The following NPR1 variants were observed in gnomAD, a reference collection of about 807,000 sequenced individuals.
NPR1 encodes the protein natriuretic peptide receptor 1.
Under a neutral mutation model 116.9 loss-of-function variants are expected in NPR1, and 57 were observed. The observed-to-expected ratio is 0.49, with a 90% CI of 0.39 to 0.61. The LOEUF (loss-of-function observed/expected upper bound fraction) is 0.61. NPR1 is among the 20% of genes least tolerant of loss of function. The probability of loss-of-function intolerance (pLI) is 0.00; values close to 1 mark genes in which losing one functional copy is unlikely to be tolerated. For missense variants in NPR1, 1,096 were observed against 1,409.8 expected (o/e 0.78, Z 3.56); for synonymous variants, 555 against 601.6 (o/e 0.92, Z 1.13).
intron 20 of NPR1, among the ~76,000 whole-genome samples, chr1:153,692,625 G>A (rs1206126984): frequency 6.6e-6 from 1 of 151,390 alleles, no homozygotes; most frequent in Non-Finnish European, 1.5e-5. Flanking sequence ...CGATTCTCCT[G>A]CCTCAGCCTC....
rs375586236 is a variant in NPR1 at position 153,686,249 on chromosome 1, G to A, written c.1758+49G>A. ...GCATGGAGAAGGGGCCCTCGGGGAC[G>A]CAAGGGAGACTGGCCAACAGAACTA... is the stretch of plus-strand genomic sequence containing the variant. On this transcript the variant is annotated intron_variant, in intron 10 of 21. Coordinates refer to ENST00000368680, the MANE Select transcript of NPR1 (RefSeq NM_000906.4). 112 of 1,550,612 alleles carry A rather than the reference G, an allele frequency of 7.2e-5. No individual in the cohort carries two copies. The East Asian group carries it at 1.6e-3, about 22-fold the overall frequency.
At chr1:153,687,144 G>A in intron 12 of NPR1, 56 bp from the exon 13 acceptor site, 3 of 1,613,848 alleles carry the variant, frequency 1.9e-6, no homozygotes, top group Non-Finnish European at 2.5e-6. Flanking sequence ...TGCTTCTCCT[G>A]GCCACGGGTG....
intron 20 of NPR1, among the ~76,000 whole-genome samples, chr1:153,691,651 C>T (rs1417904830): frequency 1.3e-5 from 2 of 152,044 alleles, no homozygotes. Flanking sequence ...AATCCCAGCA[C>T]TTTGGGAGGC....
In NPR1 at chr1:153,680,505, C is replaced by A. The variant is rs1669737648; in HGVS notation, c.726C>A (p.Ile242=). 2 of 1,614,188 alleles carry A rather than the reference C, an allele frequency of 1.2e-6. No homozygotes were observed. Among genetic ancestry groups the A allele is most frequent in the Non-Finnish European group, 8.5e-7 (1 of 1,180,014 alleles). The change falls in exon 2 of 22, where the codon ATC becomes ATA. Residue 242 remains isoleucine, a synonymous_variant. Coordinates refer to ENST00000368680, the MANE Select transcript of NPR1 (RefSeq NM_000906.4). ...TGACTCTCCGTCTTTCTCCAGTTAT[C>A]TACATCTGCAGCTCCCCTGATGCCT... ...LRTMPRKGRV[I]YICSSPDAFR...
intron 14 of NPR1, 30 bp from the exon 15 acceptor site, chr1:153,688,023 C>T: frequency 6.6e-7 from 1 of 1,517,624 alleles, no homozygotes; most frequent in Non-Finnish European, 9.0e-7. Context: ...GCCAGCCCCA[C>T]CCCTCAGCTC....
Position 153,687,497 on chromosome 1 carries a change from C to T in NPR1, c.2093-137C>T, listed in dbSNP as rs1457924033. 1.6e-5 allele frequency: 23 copies of T among 1,471,904 alleles called. 1 individual carries two copies. The South Asian group carries it at 1.8e-4, about 11-fold the overall frequency. 91.2% of individuals were successfully genotyped at this position (1,471,904 alleles called of 1,614,324 possible). Reference sequence around the variant, plus strand: ...CACCCATGAAAAAGGGAAGGCCAGACGAAGTGGTTTCTAAGGCCTCCTCTA... The same window carrying T: ...CACCCATGAAAAAGGGAAGGCCAGATGAAGTGGTTTCTAAGGCCTCCTCTA... On this transcript the variant is annotated intron_variant, in intron 13 of 21. Coordinates refer to ENST00000368680, the MANE Select transcript of NPR1 (RefSeq NM_000906.4).
chr1:153,680,753 C>A, intron 2 of NPR1, 53 bp downstream of exon 2: 1 of 1,435,970 alleles, frequency 7.0e-7, no homozygotes, highest in Non-Finnish European at 9.6e-7. Context: ...CACATCATTT[C>A]TGGGCACTGT....
intron 20 of NPR1, among the ~76,000 whole-genome samples, chr1:153,691,743 C>CA (rs1670113790): frequency 6.6e-6 from 1 of 151,946 alleles, no homozygotes; most frequent in African/African-American, 2.4e-5. Context: ...ACTAAAAATA[C>CA]AAAAAATTAG....
chr1:153,692,587 A>T (rs559527087), intron 20 of NPR1, among the ~76,000 whole-genome samples: 156 of 149,718 alleles, frequency 1.0e-3, no homozygotes, highest in African/African-American at 3.8e-3. Flanking sequence ...ATCTCGGCTC[A>T]CTGCAACCTC....
chr1:153,679,934 C>T lies in NPR1; in HGVS notation c.721+105C>T, dbSNP rs1162650103. On this transcript the variant is annotated intron_variant, in intron 1 of 21. Transcript: ENST00000368680. This position sits in a 1 kb window ranked among gnomAD's most constrained non-coding sequence, Gnocchi z 4.2. ...CTCTCATCTGGGGGCACTCTTCTTTCTCCTCGCCGTTCTTCATTCTACTTT... is the reference window on the plus strand; with the variant it reads ...CTCTCATCTGGGGGCACTCTTCTTTTTCCTCGCCGTTCTTCATTCTACTTT... The T allele has an allele frequency of 7.1e-7, 1 of 1,409,980 alleles. No individual in the cohort carries two copies. Among genetic ancestry groups the T allele is most frequent in the Non-Finnish European group, 9.4e-7 (1 of 1,060,452 alleles). The allele number at this position is 1,409,980 out of a possible 1,614,324, so 87.3% of individuals were successfully genotyped here. A position where few individuals can be genotyped will look rare whatever the true frequency, so the allele number is the denominator to read the frequency against.
At chr1:153,687,913 G>A (rs1669976498) in intron 14 of NPR1, 124 bp downstream of exon 14, 2 of 1,168,418 alleles carry the variant, frequency 1.7e-6, no homozygotes, top group South Asian at 3.0e-5. Context: ...ACCACCCTTT[G>A]ACCCATTGCT....
rs770209942 is a variant in NPR1 at position 153,688,057 on chromosome 1, C to A, written c.2253C>A (p.Ile751=). 3.1e-6 allele frequency: 5 copies of A among 1,605,492 alleles called. No homozygotes were observed. In the African/African-American group the frequency reaches 5.4e-5, roughly 17 times the overall value. The part of the protein sequence containing the change: ...VEGLDLSPKE[I]IERVTRGEQP... ...TCCTCTACCCCCCCAATACAGAGAT[C>A]ATCGAGCGGGTGACTCGGGGTGAGC... The change falls in exon 15 of 22, where the codon ATC becomes ATA. Residue 751 remains isoleucine, a synonymous_variant. Coordinates refer to ENST00000368680, the MANE Select transcript of NPR1 (RefSeq NM_000906.4).
In NPR1 at chr1:153,679,248, C is replaced by T. The variant is rs751365249; in HGVS notation, c.140C>T (p.Ser47Leu). The T allele has an allele frequency of 6.5e-7, 1 of 1,528,836 alleles. No individual in the cohort carries two copies. Among genetic ancestry groups the T allele is most frequent in the South Asian group, 1.2e-5 (1 of 83,174 alleles). 94.7% of individuals were successfully genotyped at this position (1,528,836 alleles called of 1,614,324 possible). A position where few individuals can be genotyped will look rare whatever the true frequency, so the allele number is the denominator to read the frequency against. Residue 47 changes from serine to leucine, a missense_variant, in exon 1 of 22, where the codon TCG (serine) becomes TTG (leucine). By Grantham distance (145) the Ser-to-Leu change is moderately radical. Coordinates refer to ENST00000368680, the MANE Select transcript of NPR1 (RefSeq NM_000906.4). The surrounding 1 kb of genome is among the most constrained non-coding windows in gnomAD (Gnocchi z 4.2). ...GTGGTACTGCCGCTGGCCAATACCT[C>T]GTACCCCTGGTCGTGGGCGCGCGTG... The part of the protein sequence containing the change: ...VAVVLPLANT[S>L]YPWSWARVGP...
rs61757347 is a variant in NPR1 at position 153,679,967 on chromosome 1, C to A, written c.721+138C>A. 2,609 of 1,192,608 alleles carry A rather than the reference C, an allele frequency of 2.2e-3. 6 individuals carry two copies. Among genetic ancestry groups the A allele is most frequent in the Non-Finnish European group, 2.8e-3 (2,466 of 870,782 alleles). The allele number at this position is 1,192,608 out of a possible 1,614,324, so 73.9% of individuals were successfully genotyped here. A position where few individuals can be genotyped will look rare whatever the true frequency, so the allele number is the denominator to read the frequency against. On this transcript the variant is annotated intron_variant, in intron 1 of 21. Transcript: ENST00000368680. This position sits in a 1 kb window ranked among gnomAD's most constrained non-coding sequence, Gnocchi z 4.2. ...CGTTCTTCATTCTACTTTCAGCTCC[C>A]TGGCCCTTTCTACAGCTGAGTTTCT...
rs1363997553 is a variant in NPR1, at chr1:153,679,472, G to A, written c.364G>A (p.Ala122Thr). The change falls in exon 1 of 22, where the codon GCC (alanine) becomes ACC (threonine). Residue 122 changes from alanine (A) to threonine (T), a missense_variant. Transcript: ENST00000368680. This position sits in a 1 kb window ranked among gnomAD's most constrained non-coding sequence, Gnocchi z 4.2. ...CCTGGGCCCCGGCTGCGTGTACGCC[G>A]CCGCCCCAGTGGGGCGCTTCACCGC... ...VFLGPGCVYA[A>T]APVGRFTAHW... 4 of 1,540,564 alleles carry A rather than the reference G, an allele frequency of 2.6e-6. No individual in the cohort carries two copies. In the East Asian group the frequency reaches 7.3e-5, roughly 28 times the overall value.
At chr1:153,684,929 C>G in intron 7 of NPR1, 35 bp from the exon 8 acceptor site, 1 of 1,611,556 alleles carries the variant, frequency 6.2e-7, no homozygotes, top group South Asian at 1.1e-5. Flanking sequence ...GTCAGCGGCT[C>G]AGCCACAGGC....
chr1:153,686,174 C>A lies in NPR1; in HGVS notation c.1732C>A (p.Arg578=), dbSNP rs748496399. 6.2e-7 allele frequency: 1 copy of A among 1,614,062 alleles called. No individual in the cohort carries two copies. Among genetic ancestry groups the A allele is most frequent in the Non-Finnish European group, 8.5e-7 (1 of 1,180,004 alleles). ...GAACCGTAAACGCATTGAGCTGACACGAAAAGTCCTGTTTGAACTGAAGCA... is the reference window on the plus strand; with the variant it reads ...GAACCGTAAACGCATTGAGCTGACAAGAAAAGTCCTGTTTGAACTGAAGCA... ...RVNRKRIELT[R]KVLFELKHMR... Residue 578 remains arginine (R), a synonymous_variant, in exon 10 of 22, where the codon CGA becomes AGA. Transcript: ENST00000368680.
At chr1:153,683,270 T>C (rs2101731222) in intron 5 of NPR1, 106 bp from the exon 6 acceptor site, 7 of 1,322,996 alleles carry the variant, frequency 5.3e-6, no homozygotes, top group Middle Eastern at 2.5e-4. Flanking sequence ...GATATATATG[T>C]AGGCTCTAGA....
intron 15 of NPR1, 147 bp from the exon 16 acceptor site, chr1:153,688,806 G>A: frequency 1.1e-6 from 1 of 901,342 alleles, no homozygotes; most frequent in Non-Finnish European, 1.7e-6. Context: ...GTTTTCCCCT[G>A]CTCCCCGGTA....
Sources: allele counts gnomAD v4.1 joint callset (sites outside exome capture counted in the v4.1 genomes callset), GRCh38; gene constraint gnomAD v4.1.1; non-coding constraint Gnocchi (gnomAD v3.1); transcripts MANE v1.5; gene names NCBI Gene and HGNC (gene_info 2026-07-23, HGNC 2026-07-21).